GRID2: variants seen among roughly 807,000 people sequenced by gnomAD.
GRID2 encodes the protein glutamate ionotropic receptor delta type subunit 2.
A neutral mutation model predicts 114.8 loss-of-function variants in GRID2; 33 were observed. The ratio of observed to expected loss-of-function variants is 0.29; its 90% CI spans 0.22 to 0.38. The LOEUF (loss-of-function observed/expected upper bound fraction) is 0.38, where lower values mean the gene tolerates loss of function less well. GRID2 is among the 10% of genes least tolerant of loss of function. GRID2 has a pLI of 1.00. For missense variants in GRID2, 1,184 were observed against 1,257.7 expected (o/e 0.94, Z 0.89); for synonymous variants, 505 against 449.9 (o/e 1.12, Z -1.55).
chr4:92,436,992 A>G (rs1287102008), intron 1 of GRID2, among the ~76,000 whole-genome samples: 1 of 152,200 alleles, frequency 6.6e-6, no homozygotes, highest in African/African-American at 2.4e-5. Flanking sequence ...AGATTTGGCT[A>G]TAACAATTTT....
At chr4:92,799,936 T>G (rs1740073043) in intron 2 of GRID2, among the ~76,000 whole-genome samples, 1 of 152,012 alleles carries the variant, frequency 6.6e-6, no homozygotes, top group African/African-American at 2.4e-5. Context: ...TCATATTCAC[T>G]CTGTTCCTAT....
At chr4:92,632,066 G>A (rs1248320596) in intron 2 of GRID2, among the ~76,000 whole-genome samples, 1 of 151,976 alleles carries the variant, frequency 6.6e-6, no homozygotes, top group African/African-American at 2.4e-5. Flanking sequence ...ATATTTCATT[G>A]ATGTTCAGAA....
chr4:93,796,917 T>G (rs1181252978), intron 1 of GRID2, among the ~76,000 whole-genome samples: 1 of 152,156 alleles, frequency 6.6e-6, no homozygotes, highest in Non-Finnish European at 1.5e-5. Flanking sequence ...CATTTAACAA[T>G]GGGGTACGTT....
At chr4:92,886,872 G>A (rs555091453) in intron 2 of GRID2, among the ~76,000 whole-genome samples, 92 of 151,988 alleles carry the variant, frequency 6.1e-4, no homozygotes, top group Non-Finnish European at 1.0e-3. Context: ...TGATCCACCC[G>A]CCTCGGCCTC....
intron 14 of GRID2, among the ~76,000 whole-genome samples, chr4:93,743,888 T>C (rs1731620326): frequency 6.6e-6 from 1 of 152,294 alleles, no homozygotes; most frequent in East Asian, 1.9e-4. Context: ...TAGAAGTCAA[T>C]GCTTGACTTC....
At chr4:92,628,853 C>T (rs1418953382) in intron 2 of GRID2, among the ~76,000 whole-genome samples, 1 of 152,064 alleles carries the variant, frequency 6.6e-6, no homozygotes, top group East Asian at 1.9e-4. Flanking sequence ...TGATTCCTGT[C>T]GTCTCCAAAT....
At chr4:92,398,407 C>T (rs1339563689) in intron 1 of GRID2, among the ~76,000 whole-genome samples, 1 of 152,046 alleles carries the variant, frequency 6.6e-6, no homozygotes, top group Non-Finnish European at 1.5e-5. Flanking sequence ...CTCAAGTGAT[C>T]CTCCTGCCTC....
chr4:92,451,251 G>A (rs1406817442), intron 1 of GRID2, among the ~76,000 whole-genome samples: 1 of 152,088 alleles, frequency 6.6e-6, no homozygotes, highest in African/African-American at 2.4e-5. Flanking sequence ...GTTTGAATCA[G>A]ACTGATGAAT....
intron 1 of GRID2, among the ~76,000 whole-genome samples, chr4:92,536,891 C>T (rs1247558962): frequency 6.6e-6 from 1 of 152,036 alleles, no homozygotes; most frequent in Non-Finnish European, 1.5e-5. Context: ...ATATGAATAC[C>T]CTAGATGAGT....
At chr4:92,567,167 C>T (rs894294595) in intron 1 of GRID2, among the ~76,000 whole-genome samples, 2 of 152,008 alleles carry the variant, frequency 1.3e-5, no homozygotes, top group Non-Finnish European at 2.9e-5. Flanking sequence ...ACCACCAAAA[C>T]TTATCGGATC....
At chr4:92,893,333 C>T (rs368676303) in intron 2 of GRID2, among the ~76,000 whole-genome samples, 8 of 152,146 alleles carry the variant, frequency 5.3e-5, no homozygotes, top group African/African-American at 1.7e-4. Context: ...CCTTCTTGTT[C>T]GTTCCTTCAG....
chr4:93,808,408 A>ACTT (rs1454359331), exon 2 of GRID2: 2 of 151,338 alleles, frequency 1.3e-5, no homozygotes, highest in Non-Finnish European at 2.9e-5. Flanking sequence ...ATGTGAAAGA[A>ACTT]CTTTGTAAAC....
chr4:92,493,711 A>G (rs991285593), intron 1 of GRID2, among the ~76,000 whole-genome samples: 1 of 152,206 alleles, frequency 6.6e-6, no homozygotes, highest in Non-Finnish European at 1.5e-5. Flanking sequence ...CCATGGCTAA[A>G]CGCTCATATT....
At chr4:93,498,420 A>G (rs1053537321) in intron 12 of GRID2, among the ~76,000 whole-genome samples, 9 of 151,876 alleles carry the variant, frequency 5.9e-5, no homozygotes, top group African/African-American at 2.2e-4. Flanking sequence ...ATATTGTTGA[A>G]CTAGGGATTA....
At chr4:92,699,349 A>C (rs1734562112) in intron 2 of GRID2, among the ~76,000 whole-genome samples, 2 of 152,192 alleles carry the variant, frequency 1.3e-5, no homozygotes, top group South Asian at 4.1e-4. Flanking sequence ...GCAAAAGGGC[A>C]GTTAAAAGCT....
chr4:92,984,903 G>T (rs960865051), intron 2 of GRID2, among the ~76,000 whole-genome samples: 3 of 151,710 alleles, frequency 2.0e-5, no homozygotes, highest in African/African-American at 7.3e-5. Flanking sequence ...TCATAGAAAT[G>T]ATATTTTTTC....
chr4:92,797,412 G>A (rs1209298054), intron 2 of GRID2, among the ~76,000 whole-genome samples: 2 of 151,866 alleles, frequency 1.3e-5, no homozygotes, highest in Admixed American at 1.3e-4. Context: ...AGCACATTAT[G>A]CAGTATAGTG....
chr4:93,125,515 A>G (rs1196159121), intron 4 of GRID2, among the ~76,000 whole-genome samples: 1 of 152,162 alleles, frequency 6.6e-6, no homozygotes, highest in South Asian at 2.1e-4. Context: ...TGCTTGATCA[A>G]ACTCAAGTCA....
chr4:92,635,297 T>C (rs1388524850), intron 2 of GRID2, among the ~76,000 whole-genome samples: 8 of 152,114 alleles, frequency 5.3e-5, no homozygotes, highest in Admixed American at 5.2e-4. Flanking sequence ...AGTTTGTTTA[T>C]GTGTATCCTT....
Sources: gnomAD v4.1 joint callset for allele counts (sites outside exome capture counted in the v4.1 genomes callset) on GRCh38, gnomAD v4.1.1 for gene constraint, MANE v1.5 for transcripts, NCBI Gene and HGNC (gene_info 2026-07-23, HGNC 2026-07-21) for gene names.